Variants in CHRDL1 observed in about 807,000 individuals in gnomAD.
CHRDL1 encodes the protein chordin like 1.
A neutral mutation model predicts 40.9 loss-of-function variants in CHRDL1; 19 were observed. That is an observed-to-expected ratio of 0.46 (90% CI 0.32 to 0.68). The LOEUF (loss-of-function observed/expected upper bound fraction) is 0.68, where lower values mean the gene tolerates loss of function less well. CHRDL1 is among the 30% of genes least tolerant of loss of function. The pLI, the probability that CHRDL1 is intolerant of heterozygous loss-of-function variation, is 0.03. For missense variants in CHRDL1, 329 were observed against 352.1 expected (o/e 0.93, Z 0.53); for synonymous variants, 136 against 123.4 (o/e 1.10, Z -0.68).
rs1433521982 is a variant in CHRDL1 at position 110,673,993 on chromosome X, C to T, written c.*2238G>A. On this transcript the variant is annotated 3_prime_UTR_variant, in exon 12 of 12. Coordinates refer to ENST00000372042, the MANE Select transcript of CHRDL1 (RefSeq NM_001143981.2). The stretch of plus-strand genomic sequence containing the variant: ...CTGTTATGTTACTCTTACTTGTTTA[C>T]ATGAGTTAACTAGAAAATGGCTACA... The T allele has an allele frequency of 1.8e-5, 2 of 112,469 alleles. No homozygotes were observed. The highest frequency in any genetic ancestry group is 3.8e-5 in the Non-Finnish European group (2 of 53,309). 9.3% of individuals were successfully genotyped at this position (112,469 alleles called of 1,213,427 possible).
At chrX:110,788,098 C>T (rs2090044605) in intron 2 of CHRDL1, among the ~76,000 whole-genome samples, 1 of 112,436 alleles carries the variant, frequency 8.9e-6, no homozygotes, top group East Asian at 2.8e-4. Context: ...TGGAGTTATA[C>T]ACAAGGACCT....
At chrX:110,691,871 G>C (rs1239584242) in intron 8 of CHRDL1, among the ~76,000 whole-genome samples, 1 of 110,121 alleles carries the variant, frequency 9.1e-6, no homozygotes. Context: ...CAGGGCTGTG[G>C]ACAGGATCAC....
chrX:110,762,189 T>C (rs1413235616), intron 3 of CHRDL1, among the ~76,000 whole-genome samples: 1 of 112,296 alleles, frequency 8.9e-6, no homozygotes, highest in Non-Finnish European at 1.9e-5. Context: ...CCATAGTAAA[T>C]ATTCAGAGAA....
At chrX:110,739,514 T>G (rs139489423) in intron 4 of CHRDL1, among the ~76,000 whole-genome samples, 1 of 111,806 alleles carries the variant, frequency 8.9e-6, no homozygotes, top group Non-Finnish European at 1.9e-5. Flanking sequence ...GCTCCAGTGA[T>G]GAACTGTGAG....
At chrX:110,727,072 G>A (rs1253221185) in intron 4 of CHRDL1, among the ~76,000 whole-genome samples, 3 of 112,179 alleles carry the variant, frequency 2.7e-5, no homozygotes, top group Non-Finnish European at 5.6e-5. Flanking sequence ...AAATGATAAT[G>A]TATTTAAATA....
chrX:110,779,725 T>C (rs1286715936), intron 2 of CHRDL1, among the ~76,000 whole-genome samples: 1 of 111,396 alleles, frequency 9.0e-6, no homozygotes, highest in Non-Finnish European at 1.9e-5. Flanking sequence ...CAAAATAACT[T>C]GCTGGGATTT....
intron 8 of CHRDL1, among the ~76,000 whole-genome samples, chrX:110,689,951 ATATATATC>A (rs2070222516): frequency 3.0e-5 from 1 of 33,175 alleles, no homozygotes; most frequent in Admixed American, 3.0e-4. Flanking sequence ...CTATATATCT[ATATATATC>A]TATATATCTA....
chrX:110,705,304 T>TATATATATATACACAC (rs1491498596), intron 6 of CHRDL1, among the ~76,000 whole-genome samples: 2 of 77,591 alleles, frequency 2.6e-5, no homozygotes, highest in African/African-American at 1.1e-4. Flanking sequence ...TATATATATA[T>TATATATATATACACAC]ACACACACAC....
intron 6 of CHRDL1, among the ~76,000 whole-genome samples, chrX:110,715,188 C>A (rs1198101532): frequency 9.0e-6 from 1 of 111,235 alleles, no homozygotes; most frequent in East Asian, 2.8e-4. Flanking sequence ...TCTGTTGCTT[C>A]TGAGGACATA....
intron 6 of CHRDL1, among the ~76,000 whole-genome samples, chrX:110,712,934 T>C (rs2070771401): frequency 9.1e-6 from 1 of 110,234 alleles, no homozygotes; most frequent in African/African-American, 3.4e-5. Context: ...GTAGCATGTA[T>C]AATGTAGAAA....
At chrX:110,749,996 A>G (rs1481101250) in intron 4 of CHRDL1, among the ~76,000 whole-genome samples, 5 of 111,625 alleles carry the variant, frequency 4.5e-5, no homozygotes, top group African/African-American at 6.5e-5. Flanking sequence ...TATCCTAAAT[A>G]CTACTGGTGT....
chrX:110,786,821 C>G (rs1295963427), intron 2 of CHRDL1, among the ~76,000 whole-genome samples: 1 of 112,104 alleles, frequency 8.9e-6, no homozygotes, highest in East Asian at 2.8e-4. Flanking sequence ...TTTTAACTCC[C>G]AAATAGTATA....
intron 3 of CHRDL1, among the ~76,000 whole-genome samples, chrX:110,761,128 TC>T (rs1009806935): frequency 3.6e-5 from 4 of 111,794 alleles, no homozygotes; most frequent in African/African-American, 1.3e-4. Flanking sequence ...GTAAATTTAA[TC>T]CTTATCAGAA....
At chrX:110,764,332 C>G (rs758402420) in intron 2 of CHRDL1, among the ~76,000 whole-genome samples, 1 of 111,964 alleles carries the variant, frequency 8.9e-6, no homozygotes, top group African/African-American at 3.2e-5. Flanking sequence ...ATGTCTGTTG[C>G]GGGAAGTCAG....
intron 4 of CHRDL1, among the ~76,000 whole-genome samples, chrX:110,725,013 C>T (rs2071029433): frequency 8.9e-6 from 1 of 111,792 alleles, no homozygotes; most frequent in Non-Finnish European, 1.9e-5. Flanking sequence ...GGCTACAGGG[C>T]CCCTCAGGGA....
intron 4 of CHRDL1, among the ~76,000 whole-genome samples, chrX:110,757,170 G>A (rs955245513): frequency 2.1e-4 from 23 of 109,862 alleles, no homozygotes; most frequent in African/African-American, 7.6e-4. Flanking sequence ...TAAATGAGAT[G>A]CAATAATATA....
intron 9 of CHRDL1, among the ~76,000 whole-genome samples, chrX:110,685,071 T>A (rs1240099874): frequency 8.9e-6 from 1 of 112,129 alleles, no homozygotes; most frequent in African/African-American, 3.2e-5. Context: ...ATGATAAATT[T>A]TATTATGTTT....
intron 2 of CHRDL1, among the ~76,000 whole-genome samples, chrX:110,763,647 C>T (rs113374847): frequency 9.1e-5 from 10 of 109,341 alleles, no homozygotes; most frequent in African/African-American, 3.3e-4. Flanking sequence ...GATTGATGGG[C>T]ATTTGGGTTG....
At chrX:110,768,321 A>G (rs936328033) in intron 2 of CHRDL1, among the ~76,000 whole-genome samples, 1 of 111,963 alleles carries the variant, frequency 8.9e-6, no homozygotes, top group Admixed American at 9.4e-5. Context: ...CTCCCATTCA[A>G]CTTACAGAAT....
Sources: allele counts gnomAD v4.1 joint callset (sites outside exome capture counted in the v4.1 genomes callset), GRCh38; gene constraint gnomAD v4.1.1; transcripts MANE v1.5; gene names NCBI Gene and HGNC (gene_info 2026-07-23, HGNC 2026-07-21).